Variants in STAG3 observed in about 807,000 individuals in gnomAD.
The protein encoded by STAG3 is STAG3 cohesin complex component, also known as cohesin subunit SA-3.
Under a neutral mutation model 160.7 loss-of-function variants are expected in STAG3, and 101 were observed. The observed-to-expected ratio is 0.63, with a 90% CI of 0.54 to 0.74. STAG3 has a LOEUF of 0.74. STAG3 is among the 30% of genes least tolerant of loss of function. The pLI, the probability that STAG3 is intolerant of heterozygous loss-of-function variation, is 0.00. For synonymous variants in STAG3, 519 were observed against 585.0 expected (o/e 0.89, Z 1.63); for missense variants, 1,188 against 1,517.4 (o/e 0.78, Z 3.61).
chr7:100,201,479 G>A, intron 21 of STAG3, 128 bp downstream of exon 21: 2 of 784,760 alleles, frequency 2.5e-6, no homozygotes, highest in South Asian at 1.6e-5. Flanking sequence ...GATCAGGTGG[G>A]TGGGGGTCAC....
intron 19 of STAG3, 44 bp from the exon 20 acceptor site, chr7:100,201,046 G>A (rs1029452021): frequency 1.9e-6 from 3 of 1,613,972 alleles, no homozygotes; most frequent in African/African-American, 2.7e-5. Context: ...GTGGACTGAT[G>A]AGTTCTGGGG....
chr7:100,191,781 C>T (rs1044857252), intron 8 of STAG3, among the ~76,000 whole-genome samples: 3 of 152,140 alleles, frequency 2.0e-5, no homozygotes, highest in African/African-American at 7.2e-5. Flanking sequence ...CTTCCTTTTA[C>T]AAAAAATTTC....
At chr7:100,184,463 GTTTTTTTTTTTT>G (rs1554403741) in intron 4 of STAG3, among the ~76,000 whole-genome samples, 2 of 98,552 alleles carry the variant, frequency 2.0e-5, no homozygotes, top group Non-Finnish European at 3.8e-5. Context: ...CAGCGTGTTA[GTTTTTTTTTTTT>G]TTTTTTTTTT....
At chr7:100,213,250 C>T in intron 32 of STAG3, 1 of 980,728 alleles carries the variant, frequency 1.0e-6, no homozygotes, top group Non-Finnish European at 1.2e-6. Context: ...TTCCAAACAG[C>T]ATCACACTGG....
chr7:100,180,225 T>G (rs1468109144), intron 1 of STAG3, among the ~76,000 whole-genome samples: 6 of 151,966 alleles, frequency 3.9e-5, no homozygotes, highest in South Asian at 2.1e-4. Flanking sequence ...GACTAATGAT[T>G]ATTATTATTT....
downstream of STAG3, among the ~76,000 whole-genome samples, chr7:100,216,172 G>C (rs375494621): frequency 5.3e-5 from 8 of 152,144 alleles, no homozygotes; most frequent in African/African-American, 1.7e-4. Context: ...ATTCCTGATC[G>C]TGGAGCCCAT....
chr7:100,200,725 C>T, intron 18 of STAG3, 44 bp from the exon 19 acceptor site: 1 of 1,601,556 alleles, frequency 6.2e-7, no homozygotes. Context: ...AGAGTGTCCT[C>T]CTCCCATCCC....
intron 8 of STAG3, among the ~76,000 whole-genome samples, chr7:100,191,077 A>G (rs545385861): frequency 3.0e-4 from 46 of 152,080 alleles, no homozygotes; most frequent in African/African-American, 8.7e-4. Flanking sequence ...CTTGGTGTCT[A>G]TTGTTCATGT....
downstream of STAG3, among the ~76,000 whole-genome samples, chr7:100,216,122 A>G (rs1802729400): frequency 6.6e-6 from 1 of 152,182 alleles, no homozygotes; most frequent in Non-Finnish European, 1.5e-5. Flanking sequence ...TCCAGGGATC[A>G]GGGAGCAGAG....
In STAG3 at chr7:100,204,762, G is replaced by A. The variant is rs748931280; in HGVS notation, c.2938G>A (p.Val980Ile). The A allele has an allele frequency of 1.4e-5, 23 of 1,613,594 alleles. No individual in the cohort carries two copies. Among genetic ancestry groups the A allele is most frequent in the Non-Finnish European group, 1.9e-5 (23 of 1,179,916 alleles). The change falls in exon 27 of 34, where the codon GTC (valine) becomes ATC (isoleucine). Residue 980 changes from valine (V) to isoleucine (I), a missense_variant. Transcript: ENST00000615138. Reference sequence around the variant, plus strand: ...GCAGCTGCAGAACCGTGACCTCGTGGTCATGCTACACAAGTAGGAAGTATT... The same window carrying A: ...GCAGCTGCAGAACCGTGACCTCGTGATCATGCTACACAAGTAGGAAGTATT... ...PQQLQNRDLV[V>I]MLHKEGIQFS...
chr7:100,180,118 C>T (rs537127894), intron 1 of STAG3, among the ~76,000 whole-genome samples: 40 of 152,116 alleles, frequency 2.6e-4, no homozygotes, highest in African/African-American at 9.6e-5. Context: ...TACAGTGGTG[C>T]GATCGTAGCT....
At chr7:100,201,040 A>G in intron 19 of STAG3, 50 bp from the exon 20 acceptor site, 1 of 1,614,044 alleles carries the variant, frequency 6.2e-7, no homozygotes, top group Non-Finnish European at 8.5e-7. Flanking sequence ...GGGGATGTGG[A>G]CTGATGAGTT....
chr7:100,180,513 T>C lies in STAG3; in HGVS notation c.-44T>C. On this transcript the variant is annotated 5_prime_UTR_variant, in exon 2 of 34. Transcript: ENST00000615138. ...CCCAGCTGGATCGCCATACCTACCCTGTGGTCCTCATCTTCCTGGCCTCAT... is the reference window on the plus strand; with the variant it reads ...CCCAGCTGGATCGCCATACCTACCCCGTGGTCCTCATCTTCCTGGCCTCAT... 1 of 1,171,174 alleles carries C rather than the reference T, an allele frequency of 8.5e-7. No individual in the cohort carries two copies. Among genetic ancestry groups the C allele is most frequent in the African/African-American group, 1.5e-5 (1 of 66,958 alleles). 72.5% of individuals were successfully genotyped at this position (1,171,174 alleles called of 1,614,324 possible).
chr7:100,182,938 G>C (rs1353731459), intron 4 of STAG3, 99 bp downstream of exon 4: 1 of 1,333,220 alleles, frequency 7.5e-7, no homozygotes, highest in East Asian at 2.3e-5. Flanking sequence ...ATTTTAGTGA[G>C]TGTAACATGT....
At chr7:100,188,401 C>A in intron 5 of STAG3, 52 bp from the exon 6 acceptor site, 1 of 1,202,316 alleles carries the variant, frequency 8.3e-7, no homozygotes, top group South Asian at 1.2e-5. Context: ...TGTAAATGAT[C>A]AAAGCATCCT....
At position 100,193,750 on chromosome 7, in the gene STAG3, C is replaced by T. The variant is rs117264809; in HGVS notation, c.868-1559C>T. Among the ~76,000 whole-genome samples, 1,069 of 152,200 alleles carry T rather than the reference C, an allele frequency of 7.0e-3. 29 individuals are homozygous for T. The East Asian group carries it at 0.071, about 10-fold the overall frequency. ...GTTGTGGCTGGTTTGATCTTCTGTT[C>T]GGACTACTAAAACTGTCTCTGTATC... On this transcript the variant is annotated intron_variant, in intron 8 of 33. Coordinates refer to ENST00000615138, the MANE Select transcript of STAG3 (RefSeq NM_001282717.2).
chr7:100,217,783 T>C (rs1022885174), downstream of STAG3, among the ~76,000 whole-genome samples: 11 of 152,180 alleles, frequency 7.2e-5, no homozygotes, highest in African/African-American at 1.7e-4. Flanking sequence ...ACTTCTTCTA[T>C]GCTCTTCTCA....
Position 100,200,919 on chromosome 7 carries a change from G to A in STAG3, c.2011G>A (p.Val671Ile). 1 of 1,614,234 alleles carries A rather than the reference G, an allele frequency of 6.2e-7. No individual in the cohort carries two copies. Among genetic ancestry groups the A allele is most frequent in the Non-Finnish European group, 8.5e-7 (1 of 1,180,046 alleles). ...GGCGGACTTTGCCCGCAGCCAGCTA[G>A]TAGATTTGCTGACTGACCGCTTCCA... is the stretch of plus-strand genomic sequence containing the variant. ...SRADFARSQL[V>I]DLLTDRFQQE... The change falls in exon 19 of 34, where the codon GTA becomes ATA. Residue 671 changes from valine to isoleucine, a missense_variant. By Grantham distance (29) the Val-to-Ile change is conservative. Transcript: ENST00000615138.
chr7:100,211,631 C>A, intron 31 of STAG3, 92 bp downstream of exon 31: 1 of 1,475,542 alleles, frequency 6.8e-7, no homozygotes, highest in Admixed American at 1.8e-5. Context: ...TCTGTGGGTG[C>A]TTTTTGGACT....
Sources: gnomAD v4.1 joint callset for allele counts (sites outside exome capture counted in the v4.1 genomes callset) on GRCh38, gnomAD v4.1.1 for gene constraint, MANE v1.5 for transcripts, NCBI Gene and HGNC (gene_info 2026-07-23, HGNC 2026-07-21) for gene names.